The following PCDHGB4 variants were observed in gnomAD, a reference collection of about 807,000 sequenced individuals.
PCDHGB4 encodes protocadherin gamma subfamily B, 4.
Under a neutral mutation model 60.5 loss-of-function variants are expected in PCDHGB4, and 38 were observed. That is an observed-to-expected ratio of 0.63 (90% CI 0.48 to 0.82). The LOEUF is 0.82. Ranked by LOEUF, PCDHGB4 falls within the 40% of genes least tolerant of loss-of-function variation. The pLI, the probability that PCDHGB4 is intolerant of heterozygous loss-of-function variation, is 0.00. For synonymous variants in PCDHGB4, 456 were observed against 509.7 expected (o/e 0.89, Z 1.42); for missense variants, 1,109 against 1,209.6 (o/e 0.92, Z 1.23).
chr5:141,449,300 T>C (rs2098635283), intron 1 of PCDHGB4, among the ~76,000 whole-genome samples: 1 of 152,090 alleles, frequency 6.6e-6, no homozygotes, highest in Non-Finnish European at 1.5e-5. Flanking sequence ...GGGTGAATTA[T>C]ATGTATTATA....
At position 141,491,121 on chromosome 5, in the gene PCDHGB4, G is replaced by T. The variant is rs1176877834; in HGVS notation, c.2398-3686G>T. On this transcript the variant is annotated intron_variant, in intron 1 of 3. Transcript: ENST00000519479. The surrounding 1 kb of genome is among the most constrained non-coding windows in gnomAD (Gnocchi z 6.9). ...TCCTCGTGTCTACACACACTGGTGA[G>T]GTGCGCACAGCCCGGGCCTTACTGG... 5 of 1,614,200 alleles carry T rather than the reference G, an allele frequency of 3.1e-6. No individual in the cohort carries two copies. In the South Asian group the frequency reaches 5.5e-5, roughly 18 times the overall value.
At chr5:141,404,360 TC>T (rs780435528) in intron 1 of PCDHGB4, 1 of 1,613,900 alleles carries the variant, frequency 6.2e-7, no homozygotes. Context: ...CAGAGGTACT[TC>T]CATCTTCTCC....
At position 141,486,254 on chromosome 5, in the gene PCDHGB4, G is replaced by A. The variant is rs2099626723; in HGVS notation, c.2398-8553G>A. ...GACCTCAGAGCTTGGAACCCTCCCCGAGAGTGCAGAACCTGGCACTGTGGT... is the reference window on the plus strand; with the variant it reads ...GACCTCAGAGCTTGGAACCCTCCCCAAGAGTGCAGAACCTGGCACTGTGGT... On this transcript the variant is annotated intron_variant, in intron 1 of 3. Transcript: ENST00000519479. This position sits in a 1 kb window ranked among gnomAD's most constrained non-coding sequence, Gnocchi z 5.0. The A allele has an allele frequency of 1.2e-6, 2 of 1,613,992 alleles. No individual in the cohort carries two copies. Among genetic ancestry groups the A allele is most frequent in the Non-Finnish European group, 1.7e-6 (2 of 1,179,982 alleles).
chr5:141,403,533 T>G (rs1307203985), intron 1 of PCDHGB4: 2 of 1,613,992 alleles, frequency 1.2e-6, no homozygotes, highest in African/African-American at 2.7e-5. Flanking sequence ...AACCCAGAGC[T>G]GGTGCTGGAG....
At chr5:141,409,429 C>T (rs767514268) in intron 1 of PCDHGB4, 3 of 1,613,872 alleles carry the variant, frequency 1.9e-6, no homozygotes, top group African/African-American at 1.3e-5. Flanking sequence ...CAGATGGAGC[C>T]CTGGACCGAG....
intron 1 of PCDHGB4, chr5:141,414,623 C>G: frequency 6.2e-7 from 1 of 1,613,938 alleles, no homozygotes; most frequent in South Asian, 1.1e-5. Context: ...GCGCTGGACC[C>G]GGACAGCAAA....
chr5:141,429,510 T>A (rs2097220128), intron 1 of PCDHGB4, among the ~76,000 whole-genome samples: 1 of 152,124 alleles, frequency 6.6e-6, no homozygotes, highest in African/African-American at 2.4e-5. Context: ...AAACTGTGCC[T>A]GGCAGAGAAA....
At position 141,487,215 on chromosome 5, in the gene PCDHGB4, C is replaced by G. The variant is rs1248989099; in HGVS notation, c.2398-7592C>G. 4 of 1,613,850 alleles carry G rather than the reference C, an allele frequency of 2.5e-6. No homozygotes were observed. Among genetic ancestry groups the G allele is most frequent in the East Asian group, 4.5e-5 (2 of 44,882 alleles). The stretch of plus-strand genomic sequence containing the variant: ...GTCCCAGATCTTCGAGAATCTTCAG[C>G]TCCAAGGGAAGGAGAATCTCGTCTA... On this transcript the variant is annotated intron_variant, in intron 1 of 3. Coordinates refer to ENST00000519479, the MANE Select transcript of PCDHGB4 (RefSeq NM_003736.4). This position sits in a 1 kb window ranked among gnomAD's most constrained non-coding sequence, Gnocchi z 5.0.
chr5:141,475,139 C>T (rs928313061), intron 1 of PCDHGB4, among the ~76,000 whole-genome samples: 2 of 151,928 alleles, frequency 1.3e-5, no homozygotes, highest in African/African-American at 4.8e-5. Flanking sequence ...TTTTTGAAAT[C>T]TTCTCCGTCT....
chr5:141,454,762 G>C (rs889314181), intron 1 of PCDHGB4, among the ~76,000 whole-genome samples: 4 of 115,056 alleles, frequency 3.5e-5, no homozygotes, highest in African/African-American at 6.6e-5. Context: ...ATCTTGACAT[G>C]TTTTTTACAA....
chr5:141,489,220 C>G lies in PCDHGB4; in HGVS notation c.2398-5587C>G. The G allele has an allele frequency of 6.6e-7, 1 of 1,508,698 alleles. No individual in the cohort carries two copies. Among genetic ancestry groups the G allele is most frequent in the South Asian group, 1.3e-5 (1 of 75,604 alleles). The allele number at this position is 1,508,698 out of a possible 1,614,324, so 93.5% of individuals were successfully genotyped here. A position where few individuals can be genotyped will look rare whatever the true frequency, so the allele number is the denominator to read the frequency against. ...AGACAGGACAGCACAGACTTACTCT[C>G]CACAAAGGGACTTCTGGGTCATGGG... On this transcript the variant is annotated intron_variant, in intron 1 of 3. Transcript: ENST00000519479. The surrounding 1 kb of genome is among the most constrained non-coding windows in gnomAD (Gnocchi z 4.5).
At chr5:141,410,636 T>G (rs1050547360) in intron 1 of PCDHGB4, 1 of 1,599,982 alleles carries the variant, frequency 6.3e-7, no homozygotes, top group Admixed American at 1.7e-5. Context: ...TTTCTCTTTT[T>G]TGTGTGTGAT....
intron 1 of PCDHGB4, among the ~76,000 whole-genome samples, chr5:141,442,784 A>C (rs1267270442): frequency 2.0e-5 from 3 of 152,212 alleles, no homozygotes; most frequent in Non-Finnish European, 4.4e-5. Flanking sequence ...ATTATATTTT[A>C]TAATTTTACT....
intron 1 of PCDHGB4, among the ~76,000 whole-genome samples, chr5:141,488,348 C>G (rs1231687770): frequency 3.2e-4 from 49 of 152,106 alleles, no homozygotes; most frequent in Admixed American, 3.2e-3. Context: ...TAGAAACAGC[C>G]ACCCTGTGCA....
chr5:141,487,391 A>C lies in PCDHGB4; in HGVS notation c.2398-7416A>C. 1 of 1,614,090 alleles carries C rather than the reference A, an allele frequency of 6.2e-7. No homozygotes were observed. The highest frequency in any genetic ancestry group is 1.1e-5 in the South Asian group (1 of 91,078). ...TGCCTGTCTCACCAGATCTCGAAGG[A>C]GGGAGGGGCTTCCCCCTTCCAATGG... On this transcript the variant is annotated intron_variant, in intron 1 of 3. Transcript: ENST00000519479. The surrounding 1 kb of genome is among the most constrained non-coding windows in gnomAD (Gnocchi z 5.0).
At chr5:141,449,156 G>T (rs4432943) in intron 1 of PCDHGB4, among the ~76,000 whole-genome samples, 84,481 of 151,978 alleles carry the variant, frequency 0.56, 26,202 homozygotes, top group African/African-American at 0.85. Context: ...GGTCAAAGAG[G>T]AAATAGGTGT....
In PCDHGB4 at chr5:141,388,654, C is replaced by T. The variant is rs2091438371; in HGVS notation, c.770C>T (p.Pro257Leu). The change falls in exon 1 of 4, where the codon CCG (proline) becomes CTG (leucine). Residue 257 changes from proline to leucine, a missense_variant. Around this residue, in one of 2 missense-constraint regions of PCDHGB4, gnomAD observed 1,068 missense variants for 1,089.9 expected, o/e 0.98. Transcript: ENST00000519479. ...GTGAGCCTTTCAGAAAACGTGTACCCGGGGACCACGGTGCTACAGGTGACT... is the reference window on the plus strand; with the variant it reads ...GTGAGCCTTTCAGAAAACGTGTACCTGGGGACCACGGTGCTACAGGTGACT... ...YRVSLSENVYPGTTVLQVTAT... is the reference protein window; with the variant it reads ...YRVSLSENVYLGTTVLQVTAT... 3.1e-6 allele frequency: 5 copies of T among 1,613,846 alleles called. No individual in the cohort carries two copies. The highest frequency in any genetic ancestry group is 4.2e-6 in the Non-Finnish European group (5 of 1,179,838).
At chr5:141,390,538 C>A in intron 1 of PCDHGB4, 1 of 518,310 alleles carries the variant, frequency 1.9e-6, no homozygotes, top group African/African-American at 1.9e-5. Flanking sequence ...GTTTTAACCA[C>A]AAAGTGAAAG....
At chr5:141,403,928 G>A in intron 1 of PCDHGB4, 1 of 1,613,876 alleles carries the variant, frequency 6.2e-7, no homozygotes, top group Non-Finnish European at 8.5e-7. Flanking sequence ...AGATGGTGGG[G>A]GATTGAAAGG....
Sources: allele counts gnomAD v4.1 joint callset (sites outside exome capture counted in the v4.1 genomes callset), GRCh38; gene constraint gnomAD v4.1.1; regional missense constraint gnomAD v4.1.1; non-coding constraint Gnocchi (gnomAD v3.1); transcripts MANE v1.5; gene names NCBI Gene and HGNC (gene_info 2026-07-23, HGNC 2026-07-21).